Variants in TIAL1 observed in about 807,000 individuals in gnomAD.
TIAL1 encodes nucleolysin TIAR.
TIAL1 carries 7 observed loss-of-function variants against 59.7 expected under a neutral mutation model. The observed-to-expected ratio is 0.12, with a 90% CI of 0.07 to 0.22. TIAL1 has a LOEUF of 0.22. TIAL1 is among the 10% of genes least tolerant of loss of function. TIAL1 has a pLI of 1.00. For synonymous variants in TIAL1, 149 were observed against 146.3 expected, an observed-to-expected ratio of 1.02 and a Z score of -0.13; for missense variants, 225 against 462.5, an observed-to-expected ratio of 0.49 and a Z score of 4.71.
intron 2 of TIAL1, among the ~76,000 whole-genome samples, chr10:119,585,224 C>T (rs549032528): frequency 2.6e-5 from 4 of 151,372 alleles, no homozygotes; most frequent in South Asian, 4.2e-4. Context: ...AGGAGGATCA[C>T]TTGAGCCTAG....
At chr10:119,594,216 T>C (rs1012526418) in intron 1 of TIAL1, among the ~76,000 whole-genome samples, 5 of 152,138 alleles carry the variant, frequency 3.3e-5, no homozygotes, top group African/African-American at 1.2e-4. Context: ...ACTGTAAACA[T>C]AGACAACTTA....
rs1845337505 is a variant in TIAL1 at position 119,582,161 on chromosome 10, G to A, written c.283+8C>T. The A allele has an allele frequency of 2.5e-6, 4 of 1,607,032 alleles. No homozygotes were observed. The highest frequency in any genetic ancestry group is 3.4e-6 in the Non-Finnish European group (4 of 1,177,772). On this transcript the variant is annotated splice_region_variant and intron_variant, in intron 4 of 11. Coordinates refer to ENST00000436547, the MANE Select transcript of TIAL1 (RefSeq NM_003252.4). The surrounding 1 kb of genome is among the most constrained non-coding windows in gnomAD (Gnocchi z 5.1). Reference sequence around the variant, plus strand: ...TCTTCCACAGTAAAATGCAGCAGGAGTACTTACTGGAAGTATCTTTTTTCT... The same window carrying A: ...TCTTCCACAGTAAAATGCAGCAGGAATACTTACTGGAAGTATCTTTTTTCT...
At chr10:119,588,279 T>C in intron 1 of TIAL1, 31 bp from the exon 2 acceptor site, 1 of 1,413,514 alleles carries the variant, frequency 7.1e-7, no homozygotes, top group Non-Finnish European at 9.7e-7. Flanking sequence ...TTATCAGCAA[T>C]TTTTCCTTTA....
At position 119,577,177 on chromosome 10, in the gene TIAL1, T is replaced by C; in HGVS notation, c.764A>G (p.His255Arg). The C allele has an allele frequency of 6.2e-7, 1 of 1,603,342 alleles. No homozygotes were observed. Among genetic ancestry groups the C allele is most frequent in the Non-Finnish European group, 8.5e-7 (1 of 1,177,496 alleles). The part of the protein sequence containing the change: ...VRFSTHESAA[H>R]AIVSVNGTTI... Reference sequence around the variant, plus strand: ...AGTACCGTTCACCGAAACAATGGCATGGGCTGCACTTTCATGGGTTGAAAA... The same window carrying C: ...AGTACCGTTCACCGAAACAATGGCACGGGCTGCACTTTCATGGGTTGAAAA... The change falls in exon 10 of 12, where the codon CAT becomes CGT. Residue 255 changes from histidine to arginine, a missense_variant. Coordinates refer to ENST00000436547, the MANE Select transcript of TIAL1 (RefSeq NM_003252.4).
chr10:119,590,750 C>CAGAGAGAAAGAGAGAA (rs1055881232), intron 1 of TIAL1, among the ~76,000 whole-genome samples: 16 of 72,930 alleles, frequency 2.2e-4, no homozygotes, highest in African/African-American at 4.9e-4. Flanking sequence ...GAGAGAGAGA[C>CAGAGAGAAAGAGAGAA]AGAGAGAAAG....
At chr10:119,586,808 T>C (rs1023717227) in intron 2 of TIAL1, among the ~76,000 whole-genome samples, 2 of 152,216 alleles carry the variant, frequency 1.3e-5, no homozygotes, top group Non-Finnish European at 1.5e-5. Flanking sequence ...GCTCTTACCA[T>C]AGATAGCACC....
chr10:119,588,100 C>T (rs1589877489), intron 2 of TIAL1, 52 bp downstream of exon 2: 1 of 1,092,062 alleles, frequency 9.2e-7, no homozygotes, highest in Non-Finnish European at 1.3e-6. Flanking sequence ...TAAAATCATG[C>T]TAATCAACCC....
intron 5 of TIAL1, among the ~76,000 whole-genome samples, chr10:119,581,153 G>C (rs1845287084): frequency 6.6e-6 from 1 of 151,812 alleles, no homozygotes; most frequent in Admixed American, 6.6e-5. Flanking sequence ...TAAATCTACA[G>C]GAAATATACA....
chr10:119,588,140 G>C lies in TIAL1; in HGVS notation c.129+12C>G, dbSNP rs750520720. The C allele has an allele frequency of 1.6e-5, 24 of 1,498,520 alleles. No homozygotes were observed. The highest frequency in any genetic ancestry group is 2.2e-5 in the Non-Finnish European group (24 of 1,110,672). The allele number at this position is 1,498,520 out of a possible 1,614,324, so 92.8% of individuals were successfully genotyped here. A position where few individuals can be genotyped will look rare whatever the true frequency, so the allele number is the denominator to read the frequency against. On this transcript the variant is annotated intron_variant, in intron 2 of 11. Coordinates refer to ENST00000436547, the MANE Select transcript of TIAL1 (RefSeq NM_003252.4). Reference sequence around the variant, plus strand: ...TGCTAATTGTCAGCACATGGAACTGGGAAGATCTTACCTCTGTTATCATTT... The same window carrying C: ...TGCTAATTGTCAGCACATGGAACTGCGAAGATCTTACCTCTGTTATCATTT...
intron 7 of TIAL1, 143 bp downstream of exon 7, chr10:119,578,583 A>T: frequency 1.4e-6 from 1 of 693,896 alleles, no homozygotes; most frequent in Non-Finnish European, 2.5e-6. Flanking sequence ...GTGAGCTAAG[A>T]TCATGCCACC....
chr10:119,595,244 T>G (rs1202154401), intron 1 of TIAL1, among the ~76,000 whole-genome samples: 2 of 152,086 alleles, frequency 1.3e-5, no homozygotes, highest in Non-Finnish European at 2.9e-5. Flanking sequence ...TCCACCTTCA[T>G]CTATTCCCTA....
chr10:119,580,677 T>C (rs1845259869), intron 5 of TIAL1: 5 of 997,410 alleles, frequency 5.0e-6, no homozygotes, highest in African/African-American at 1.7e-5. Context: ...ATTGGAAATA[T>C]AGAACTCCAC....
At chr10:119,581,244 A>G (rs1845292481) in intron 5 of TIAL1, among the ~76,000 whole-genome samples, 1 of 151,980 alleles carries the variant, frequency 6.6e-6, no homozygotes, top group African/African-American at 2.4e-5. Flanking sequence ...TTTCCAATAT[A>G]TTTTTTACCA....
At position 119,573,792 on chromosome 10, in the gene TIAL1, AAG is replaced by A. The variant is rs1473487369; in HGVS notation, c.*1871_*1872del. On this transcript the variant is annotated 3_prime_UTR_variant, in exon 12 of 12. Transcript: ENST00000436547. ...GAAATAAGGGTATATTTTATAACAG[AAG>A]AGTGTAATAGATGACCATTATGGTA... The A allele has an allele frequency of 1.9e-4, 29 of 152,232 alleles. No homozygotes were observed. The highest frequency in any genetic ancestry group is 6.8e-4 in the African/African-American group (28 of 41,462). 9.4% of individuals were successfully genotyped at this position (152,232 alleles called of 1,614,324 possible). A position where few individuals can be genotyped will look rare whatever the true frequency, so the allele number is the denominator to read the frequency against.
intron 10 of TIAL1, 108 bp downstream of exon 10, chr10:119,576,972 G>A: frequency 2.8e-6 from 4 of 1,434,154 alleles, no homozygotes; most frequent in Non-Finnish European, 3.8e-6. Context: ...ACAATCAACT[G>A]AAAGTAGCTA....
chr10:119,590,763 A>AG (rs1432815235), intron 1 of TIAL1, among the ~76,000 whole-genome samples: 1 of 15,514 alleles, frequency 6.4e-5, no homozygotes, highest in South Asian at 2.7e-3. Flanking sequence ...AGAGAAAGAG[A>AG]GAAAGAAAGA....
Position 119,582,414 on chromosome 10 carries a change from T to A in TIAL1, c.228+45A>T, listed in dbSNP as rs191064612. On this transcript the variant is annotated intron_variant, in intron 3 of 11. Coordinates refer to ENST00000436547, the MANE Select transcript of TIAL1 (RefSeq NM_003252.4). This position sits in a 1 kb window ranked among gnomAD's most constrained non-coding sequence, Gnocchi z 5.1. ...AGAAAGAATACAAACTAGTTTGACA[T>A]GCAAATATATGTACTCATAAGGTGC... is the stretch of plus-strand genomic sequence containing the variant. 6.5e-7 allele frequency: 1 copy of A among 1,537,780 alleles called. No individual in the cohort carries two copies. The highest frequency in any genetic ancestry group is 8.7e-7 in the Non-Finnish European group (1 of 1,149,230).
intron 2 of TIAL1, among the ~76,000 whole-genome samples, chr10:119,587,026 A>G (rs550335390): frequency 1.3e-5 from 2 of 152,380 alleles, no homozygotes; most frequent in East Asian, 3.9e-4. Flanking sequence ...GATCGATGAA[A>G]GCACAAATAA....
chr10:119,583,304 A>G lies in TIAL1; in HGVS notation c.130-747T>C, dbSNP rs374171666. The stretch of plus-strand genomic sequence containing the variant: ...GAATAAAATATTCCAAGACAAAGCT[A>G]TAAGTTTACATCATAAGAACACCAT... On this transcript the variant is annotated intron_variant, in intron 2 of 11. Coordinates refer to ENST00000436547, the MANE Select transcript of TIAL1 (RefSeq NM_003252.4). 3.2e-4 allele frequency among the ~76,000 whole-genome samples: 49 copies of G among 152,306 alleles called. 1 individual carries two copies. The East Asian group carries it at 4.0e-3, about 13-fold the overall frequency.
Sources: allele counts gnomAD v4.1 joint callset (sites outside exome capture counted in the v4.1 genomes callset), GRCh38; gene constraint gnomAD v4.1.1; non-coding constraint Gnocchi (gnomAD v3.1); transcripts MANE v1.5; gene names NCBI Gene and HGNC (gene_info 2026-07-23, HGNC 2026-07-21).